The following TEX11 variants were observed in gnomAD, a reference collection of about 807,000 sequenced individuals.
TEX11 encodes the protein testis expressed 11, also known as testis-expressed protein 11.
In TEX11, 7 loss-of-function variants were observed where a neutral mutation model predicts 84.4. The observed-to-expected ratio is 0.08, with a 90% CI of 0.05 to 0.16. The LOEUF (loss-of-function observed/expected upper bound fraction) is 0.16, where lower values mean the gene tolerates loss of function less well. Among genes scored for constraint, TEX11 ranks in the 10% least tolerant of loss-of-function variants. The pLI is 1.00. For missense variants in TEX11, 551 were observed against 660.5 expected (o/e 0.83, Z 1.82); for synonymous variants, 264 against 222.8 (o/e 1.18, Z -1.64).
intron 9 of TEX11, among the ~76,000 whole-genome samples, chrX:70,757,334 T>G (rs754677830): frequency 1.8e-5 from 2 of 110,807 alleles, no homozygotes; most frequent in Non-Finnish European, 1.9e-5. Flanking sequence ...TCACCAAGGT[T>G]GAAATGAAGG....
intron 7 of TEX11, among the ~76,000 whole-genome samples, chrX:70,847,279 C>T (rs1486777544): frequency 9.0e-6 from 1 of 111,468 alleles, no homozygotes; most frequent in Non-Finnish European, 1.9e-5. Flanking sequence ...TTATAAATTA[C>T]CCAGCCTCAA....
At chrX:70,677,029 A>G (rs2090077955) in intron 15 of TEX11, among the ~76,000 whole-genome samples, 1 of 112,289 alleles carries the variant, frequency 8.9e-6, no homozygotes, top group Non-Finnish European at 1.9e-5. Flanking sequence ...GTTCTGGGTC[A>G]GTATCGATTG....
intron 16 of TEX11, among the ~76,000 whole-genome samples, chrX:70,654,022 AG>A (rs2089836645): frequency 8.9e-6 from 1 of 111,775 alleles, no homozygotes; most frequent in South Asian, 3.8e-4. Flanking sequence ...GGTTGACACT[AG>A]TTCAGTGAGA....
At chrX:70,515,883 A>AT in the TEX11 span, among the ~76,000 whole-genome samples, 1 of 112,196 alleles carries the variant, frequency 8.9e-6, no homozygotes, top group Non-Finnish European at 1.9e-5. Context: ...GATGATGAGC[A>AT]TTTTTTCATG....
chrX:70,750,933 A>AAAAATATATAT (rs1390175136), intron 9 of TEX11, among the ~76,000 whole-genome samples: 27 of 28,194 alleles, frequency 9.6e-4, no homozygotes, highest in East Asian at 3.5e-3. Context: ...AAAAAAAAAA[A>AAAAATATATAT]ATATATATAT....
At chrX:70,890,362 G>A (rs904659555) in intron 2 of TEX11, among the ~76,000 whole-genome samples, 13 of 111,574 alleles carry the variant, frequency 1.2e-4, no homozygotes, top group African/African-American at 3.9e-4. Flanking sequence ...TGCAGCCCAC[G>A]GAGGGTGAGC....
At chrX:70,750,909 C>A in intron 9 of TEX11, among the ~76,000 whole-genome samples, 2 of 33,780 alleles carry the variant, frequency 5.9e-5, no homozygotes, top group African/African-American at 8.9e-5. Flanking sequence ...TATCCTAAAA[C>A]TTAAAGTATA....
chrX:70,800,645 T>C (rs1179663657), intron 9 of TEX11, among the ~76,000 whole-genome samples: 1 of 109,505 alleles, frequency 9.1e-6, no homozygotes, highest in Non-Finnish European at 1.9e-5. Context: ...TGGTGATTTC[T>C]TAGGATTCTG....
chrX:70,738,909 T>C (rs907460029), intron 11 of TEX11, among the ~76,000 whole-genome samples: 4 of 108,119 alleles, frequency 3.7e-5, no homozygotes, highest in Non-Finnish European at 5.7e-5. Flanking sequence ...TGAGAACACA[T>C]GGACACAGGG....
chrX:70,617,369 CAT>C (rs1424704503), intron 20 of TEX11, among the ~76,000 whole-genome samples: 6 of 105,483 alleles, frequency 5.7e-5, no homozygotes, highest in Admixed American at 1.1e-4. Flanking sequence ...ATTATATATA[CAT>C]ATATATCATT....
chrX:70,863,157 C>T (rs2091579896), intron 4 of TEX11, among the ~76,000 whole-genome samples: 2 of 111,270 alleles, frequency 1.8e-5, no homozygotes, highest in Middle Eastern at 4.7e-3. Context: ...TCCTGCCTGC[C>T]GGCTCTGAAG....
chrX:70,614,582 A>G (rs994538278), intron 20 of TEX11, among the ~76,000 whole-genome samples: 3 of 111,873 alleles, frequency 2.7e-5, no homozygotes, highest in Non-Finnish European at 5.7e-5. Context: ...GCCTGGGGGA[A>G]CTTGCTGCCC....
At chrX:70,763,531 G>GA (rs1372881276) in intron 9 of TEX11, among the ~76,000 whole-genome samples, 6 of 107,765 alleles carry the variant, frequency 5.6e-5, no homozygotes, top group Admixed American at 2.0e-4. Flanking sequence ...CAAAATCTCA[G>GA]AAAAAACACT....
At chrX:70,588,394 G>A (rs189360977) in intron 25 of TEX11, among the ~76,000 whole-genome samples, 6 of 111,443 alleles carry the variant, frequency 5.4e-5, no homozygotes, top group East Asian at 2.9e-4. Flanking sequence ...TGCCCTTCTC[G>A]TGATAGTGAG....
intron 9 of TEX11, among the ~76,000 whole-genome samples, chrX:70,800,756 G>A (rs1040978504): frequency 5.5e-4 from 54 of 98,844 alleles, no homozygotes; most frequent in African/African-American, 1.9e-3. Flanking sequence ...GCAGTGGTGT[G>A]ATGATGACTC....
At chrX:70,735,112 G>A (rs2090685877) in intron 11 of TEX11, among the ~76,000 whole-genome samples, 1 of 111,275 alleles carries the variant, frequency 9.0e-6, no homozygotes, top group African/African-American at 3.3e-5. Context: ...GAGTGCAATG[G>A]CACAATCTTG....
intron 9 of TEX11, among the ~76,000 whole-genome samples, chrX:70,765,521 T>A (rs1185528335): frequency 9.0e-6 from 1 of 111,617 alleles, no homozygotes; most frequent in African/African-American, 3.3e-5. Context: ...ATCAACAGAA[T>A]GAAGGATAAA....
intron 8 of TEX11, 80 bp downstream of exon 8, chrX:70,833,433 T>C (rs2091388512): frequency 1.3e-6 from 1 of 783,055 alleles, no homozygotes; most frequent in African/African-American, 2.1e-5. Context: ...CTCCAAAAGG[T>C]TGCATGAAGT....
intron 9 of TEX11, among the ~76,000 whole-genome samples, chrX:70,788,971 TATAGAGAG>T (rs1390608058): frequency 1.6e-4 from 3 of 18,865 alleles, no homozygotes; most frequent in African/African-American, 2.4e-4. Flanking sequence ...TATATATATA[TATAGAGAG>T]AGAGAGAGAG....
Sources: gnomAD v4.1 joint callset for allele counts (sites outside exome capture counted in the v4.1 genomes callset) on GRCh38, gnomAD v4.1.1 for gene constraint, MANE v1.5 for transcripts, NCBI Gene and HGNC (gene_info 2026-07-23, HGNC 2026-07-21) for gene names.